AFAP1: variants seen among roughly 807,000 people sequenced by gnomAD.
The protein encoded by AFAP1 is actin filament associated protein 1, also known as actin filament-associated protein 1.
Under a neutral mutation model 93.9 loss-of-function variants are expected in AFAP1, and 75 were observed. That is an observed-to-expected ratio of 0.80 (90% CI 0.66 to 0.97). The LOEUF is 0.97. Ranked by LOEUF, AFAP1 falls within the 50% of genes least tolerant of loss-of-function variation. The pLI, the probability that AFAP1 is intolerant of heterozygous loss-of-function variation, is 0.00. For missense variants in AFAP1, 1,201 were observed against 1,050.8 expected (o/e 1.14, Z -1.98); for synonymous variants, 517 against 430.7 (o/e 1.20, Z -2.48).
intron 4 of AFAP1, among the ~76,000 whole-genome samples, chr4:7,848,727 T>C (rs1050753705): frequency 6.6e-6 from 1 of 152,106 alleles, no homozygotes; most frequent in Non-Finnish European, 1.5e-5. Context: ...CCAAAAATAA[T>C]GCTTCACCAG....
chr4:7,809,538 G>T (rs756092723), intron 9 of AFAP1, 76 bp downstream of exon 9: 5 of 1,508,032 alleles, frequency 3.3e-6, no homozygotes, highest in Admixed American at 2.1e-5. Context: ...GGATGAACTG[G>T]GTACCGACAC....
At chr4:7,879,907 G>A (rs575840062) in intron 1 of AFAP1, among the ~76,000 whole-genome samples, 8 of 151,912 alleles carry the variant, frequency 5.3e-5, no homozygotes, top group Admixed American at 2.6e-4. Context: ...TAAATTGATC[G>A]GCCTGCCTCG....
At position 7,914,267 on chromosome 4, in the gene AFAP1, C is replaced by G. The variant is rs150009786; in HGVS notation, c.-3+25389G>C. On this transcript the variant is annotated intron_variant, in intron 1 of 17. Coordinates refer to ENST00000420658, the MANE Select transcript of AFAP1 (RefSeq NM_001134647.2). ...ACGGGGTTTCGCCACGTTGGCCAGGCTGGTCTCTAACTCCTGACCTCAGGT... is the reference window on the plus strand; with the variant it reads ...ACGGGGTTTCGCCACGTTGGCCAGGGTGGTCTCTAACTCCTGACCTCAGGT... 7.6e-3 allele frequency among the ~76,000 whole-genome samples: 1,164 copies of G among 152,212 alleles called. 11 individuals are homozygous for G. Among genetic ancestry groups the G allele is most frequent in the African/African-American group, 0.026 (1,079 of 41,528 alleles).
At chr4:7,833,706 AG>A (rs1711910161) in intron 6 of AFAP1, among the ~76,000 whole-genome samples, 1 of 150,366 alleles carries the variant, frequency 6.7e-6, no homozygotes, top group Admixed American at 6.7e-5. Context: ...CTCCTGCCTC[AG>A]CCACCCAAGC....
At chr4:7,825,083 A>C (rs1395319756) in intron 6 of AFAP1, among the ~76,000 whole-genome samples, 3 of 152,246 alleles carry the variant, frequency 2.0e-5, no homozygotes, top group African/African-American at 7.2e-5. Context: ...AAATATTATC[A>C]TTCATATTTT....
At chr4:7,791,952 C>T (rs571632894) in intron 11 of AFAP1, among the ~76,000 whole-genome samples, 29 of 152,072 alleles carry the variant, frequency 1.9e-4, no homozygotes, top group Admixed American at 3.9e-4. Context: ...ACGCCAATAA[C>T]GAACCAGAAA....
intron 12 of AFAP1, among the ~76,000 whole-genome samples, chr4:7,782,039 G>C (rs139758991): frequency 6.6e-6 from 1 of 152,344 alleles, no homozygotes; most frequent in East Asian, 1.9e-4. Context: ...GATGGAAGGG[G>C]AGGAATGAGC....
chr4:7,910,764 T>C (rs1193065052), intron 1 of AFAP1, among the ~76,000 whole-genome samples: 1 of 152,246 alleles, frequency 6.6e-6, no homozygotes. Flanking sequence ...TGTGCTATGA[T>C]GCTGTCTCAT....
chr4:7,850,150 T>C (rs1022607703), intron 4 of AFAP1, among the ~76,000 whole-genome samples: 1 of 152,220 alleles, frequency 6.6e-6, no homozygotes, highest in East Asian at 1.9e-4. Flanking sequence ...AGAAATATAG[T>C]AAGTCATTGA....
At chr4:7,920,292 G>A (rs1040209815) in intron 1 of AFAP1, among the ~76,000 whole-genome samples, 6 of 152,022 alleles carry the variant, frequency 3.9e-5, no homozygotes, top group African/African-American at 1.4e-4. Context: ...GAATTGAATG[G>A]TGTTAATTCC....
At chr4:7,927,313 C>T (rs147547722) in intron 1 of AFAP1, among the ~76,000 whole-genome samples, 104 of 152,252 alleles carry the variant, frequency 6.8e-4, no homozygotes, top group African/African-American at 2.4e-3. Context: ...GCCAGCTGTC[C>T]GGGTTCAAAC....
intron 9 of AFAP1, 91 bp from the exon 10 acceptor site, chr4:7,800,744 G>A: frequency 8.0e-7 from 1 of 1,251,096 alleles, no homozygotes; most frequent in Non-Finnish European, 1.2e-6. Flanking sequence ...GCCCAGGGAT[G>A]GGAGTGTGGA....
chr4:7,888,867 T>G (rs1205377985), intron 1 of AFAP1, among the ~76,000 whole-genome samples: 1 of 152,058 alleles, frequency 6.6e-6, no homozygotes. Context: ...CTCGGCTCAC[T>G]GCAACCTCCG....
chr4:7,793,899 G>C (rs1224623332), intron 10 of AFAP1, 73 bp from the exon 11 acceptor site: 72 of 1,392,774 alleles, frequency 5.2e-5, no homozygotes, highest in Non-Finnish European at 6.8e-5. Context: ...TGTCAATAAA[G>C]AGACCACATA....
intron 9 of AFAP1, 60 bp downstream of exon 9, chr4:7,809,554 C>T (rs557629040): frequency 4.3e-5 from 67 of 1,559,598 alleles, no homozygotes; most frequent in Admixed American, 7.8e-5. Flanking sequence ...GACACCACTG[C>T]AGGAGAAAAT....
chr4:7,826,889 C>T (rs912585288), intron 6 of AFAP1, among the ~76,000 whole-genome samples: 28 of 152,182 alleles, frequency 1.8e-4, no homozygotes, highest in African/African-American at 6.5e-4. Flanking sequence ...GTCATGGAAA[C>T]TCCTGAGACA....
At chr4:7,919,014 G>C (rs1463944015) in intron 1 of AFAP1, among the ~76,000 whole-genome samples, 1 of 147,796 alleles carries the variant, frequency 6.8e-6, no homozygotes, top group Non-Finnish European at 1.5e-5. Flanking sequence ...CTGCGGATGA[G>C]ACACTCGGCC....
chr4:7,818,216 C>G (rs566857234), intron 7 of AFAP1, among the ~76,000 whole-genome samples: 1 of 152,204 alleles, frequency 6.6e-6, no homozygotes, highest in East Asian at 1.9e-4. Flanking sequence ...TTCCTGCAGA[C>G]GCCTTCACAC....
chr4:7,930,593 CA>C (rs1721012740), intron 1 of AFAP1, among the ~76,000 whole-genome samples: 1 of 152,122 alleles, frequency 6.6e-6, no homozygotes. Flanking sequence ...CCAGAGATTC[CA>C]AAAGTCTTAG....
Sources: allele counts gnomAD v4.1 joint callset (sites outside exome capture counted in the v4.1 genomes callset), GRCh38; gene constraint gnomAD v4.1.1; transcripts MANE v1.5; gene names NCBI Gene and HGNC (gene_info 2026-07-23, HGNC 2026-07-21).